ALK: variants seen among roughly 807,000 people sequenced by gnomAD.
ALK encodes ALK tyrosine kinase receptor.
ALK carries 74 observed loss-of-function variants against 163.1 expected under a neutral mutation model. The observed-to-expected ratio is 0.45, with a 90% CI of 0.38 to 0.55. The LOEUF is 0.55. Among genes scored for constraint, ALK ranks in the 20% least tolerant of loss-of-function variants. The probability of loss-of-function intolerance (pLI) is 0.00; values close to 1 mark genes in which losing one functional copy is unlikely to be tolerated. For missense variants in ALK, 2,063 were observed against 2,105.3 expected (o/e 0.98, Z 0.39); for synonymous variants, 960 against 843.2 (o/e 1.14, Z -2.40).
At chr2:29,863,923 C>T (rs1558524091) in intron 1 of ALK, among the ~76,000 whole-genome samples, 1 of 152,308 alleles carries the variant, frequency 6.6e-6, no homozygotes, top group Non-Finnish European at 1.5e-5. Context: ...GGCTTCTCCT[C>T]TTTTATCCCT....
chr2:29,370,458 GCC>G (rs1352948501), intron 5 of ALK, among the ~76,000 whole-genome samples: 1 of 152,190 alleles, frequency 6.6e-6, no homozygotes, highest in African/African-American at 2.4e-5. Context: ...CACTTGGGCT[GCC>G]CGTCCCTGTA....
intron 3 of ALK, among the ~76,000 whole-genome samples, chr2:29,590,975 G>A (rs897075732): frequency 4.6e-4 from 69 of 149,866 alleles, no homozygotes; most frequent in African/African-American, 1.6e-3. Flanking sequence ...GGAGGCTGAG[G>A]CAGGAGAATG....
At chr2:29,473,487 T>C (rs1376522571) in intron 4 of ALK, among the ~76,000 whole-genome samples, 1 of 152,190 alleles carries the variant, frequency 6.6e-6, no homozygotes, top group Non-Finnish European at 1.5e-5. Flanking sequence ...ATTCACAATG[T>C]ATACATCTTA....
intron 5 of ALK, among the ~76,000 whole-genome samples, chr2:29,332,404 G>A (rs1667473003): frequency 6.6e-6 from 1 of 150,492 alleles, no homozygotes; most frequent in African/African-American, 2.5e-5. Flanking sequence ...CAATGGGCAT[G>A]GGTGTTTCAC....
chr2:29,506,457 C>A (rs558436502), intron 4 of ALK, among the ~76,000 whole-genome samples: 38 of 152,256 alleles, frequency 2.5e-4, no homozygotes, highest in African/African-American at 7.7e-4. Flanking sequence ...TGAGACTTAG[C>A]TTTAGAAGTT....
intron 1 of ALK, among the ~76,000 whole-genome samples, chr2:29,805,836 T>C (rs946213817): frequency 6.6e-6 from 1 of 152,204 alleles, no homozygotes; most frequent in East Asian, 1.9e-4. Flanking sequence ...AGGCTGCTGG[T>C]TTCTCCCACC....
intron 8 of ALK, among the ~76,000 whole-genome samples, chr2:29,304,008 C>A (rs1282527388): frequency 6.6e-6 from 1 of 152,158 alleles, no homozygotes; most frequent in African/African-American, 2.4e-5. Context: ...AACAAACCTG[C>A]ATGTTTATCC....
chr2:29,578,399 AG>A (rs1318341051), intron 3 of ALK, among the ~76,000 whole-genome samples: 1 of 152,204 alleles, frequency 6.6e-6, no homozygotes, highest in Non-Finnish European at 1.5e-5. Context: ...GAGAGGTTGC[AG>A]GGTATGGTGC....
At chr2:29,905,788 G>A (rs559227996) in intron 1 of ALK, among the ~76,000 whole-genome samples, 1 of 152,042 alleles carries the variant, frequency 6.6e-6, no homozygotes, top group South Asian at 2.1e-4. Context: ...GAGCATGAAG[G>A]GAAAGGCAGG....
At position 29,289,610 on chromosome 2, in the gene ALK, G is replaced by GTA. The variant is rs145250394; in HGVS notation, c.1817+7276_1817+7277dup. On this transcript the variant is annotated intron_variant, in intron 9 of 28. Transcript: ENST00000389048. ...GTGAACGAATCGGTTTTGCCTAAGT[G>GTA]TATATATATATATGGCATCAGGGCA... 2.9e-4 allele frequency among the ~76,000 whole-genome samples: 44 copies of GTA among 151,574 alleles called. 1 individual carries two copies. Among genetic ancestry groups the GTA allele is most frequent in the African/African-American group, 6.3e-4 (26 of 41,402 alleles).
intron 4 of ALK, among the ~76,000 whole-genome samples, chr2:29,504,869 T>C (rs1187269902): frequency 6.6e-6 from 1 of 152,126 alleles, no homozygotes; most frequent in Non-Finnish European, 1.5e-5. Context: ...AAACCACAAT[T>C]ACCTTTGCAC....
intron 4 of ALK, among the ~76,000 whole-genome samples, chr2:29,409,958 G>A (rs531053339): frequency 1.3e-5 from 2 of 152,156 alleles, no homozygotes; most frequent in South Asian, 4.2e-4. Flanking sequence ...AGTACTTCCA[G>A]TTTCACTCTT....
intron 1 of ALK, among the ~76,000 whole-genome samples, chr2:29,866,436 C>T (rs1666435973): frequency 6.6e-6 from 1 of 152,190 alleles, no homozygotes; most frequent in Non-Finnish European, 1.5e-5. Context: ...GAGCATGGTT[C>T]CAGCTCAGCA....
chr2:29,554,296 C>A (rs1294466265), intron 3 of ALK, among the ~76,000 whole-genome samples: 1 of 152,098 alleles, frequency 6.6e-6, no homozygotes, highest in Non-Finnish European at 1.5e-5. Context: ...GTAAATTGAG[C>A]TTTCTTTAGG....
chr2:29,717,849 G>T, intron 1 of ALK, 152 bp from the exon 2 acceptor site: 1 of 920,634 alleles, frequency 1.1e-6, no homozygotes, highest in Non-Finnish European at 1.7e-6. Flanking sequence ...CCAGTAGACT[G>T]AGTTGACCTC....
chr2:29,825,340 C>T lies in ALK; in HGVS notation c.667+94653G>A, dbSNP rs139850132. The stretch of plus-strand genomic sequence containing the variant: ...AAGTGCCTATTGTGTGGTCAGATTC[C>T]CTGTTAGGTCCTGGGCCATAACAAC... On this transcript the variant is annotated intron_variant, in intron 1 of 28. Transcript: ENST00000389048. Among the ~76,000 whole-genome samples the T allele has an allele frequency of 4.6e-5, 7 of 152,262 alleles. No homozygotes were observed. In the East Asian group the frequency reaches 1.3e-3, roughly 29 times the overall value.
chr2:29,511,659 G>C (rs952218255), intron 4 of ALK, among the ~76,000 whole-genome samples: 5 of 152,134 alleles, frequency 3.3e-5, no homozygotes, highest in Non-Finnish European at 7.4e-5. Flanking sequence ...GTCCAGACAG[G>C]GAGTAGAATG....
intron 1 of ALK, among the ~76,000 whole-genome samples, chr2:29,818,596 G>A (rs993760866): frequency 6.6e-6 from 1 of 152,236 alleles, no homozygotes. Context: ...GCCTGTTAGT[G>A]CTCCAAGAAT....
chr2:29,213,745 A>G (rs949491730), intron 24 of ALK, among the ~76,000 whole-genome samples: 2 of 152,198 alleles, frequency 1.3e-5, no homozygotes, highest in African/African-American at 4.8e-5. Flanking sequence ...GCATTTCAGG[A>G]GGCCAAGGTG....
Sources: gnomAD v4.1 joint callset for allele counts (sites outside exome capture counted in the v4.1 genomes callset) on GRCh38, gnomAD v4.1.1 for gene constraint, MANE v1.5 for transcripts, NCBI Gene and HGNC (gene_info 2026-07-23, HGNC 2026-07-21) for gene names.